Variants in SPRR2B observed in about 807,000 individuals in gnomAD.
SPRR2B encodes the protein small proline rich protein 2B.
Under a neutral mutation model 1.0 loss-of-function variants are expected in SPRR2B, and 1 was observed. The ratio of observed to expected loss-of-function variants is 1.01; its 90% confidence interval spans 0.36 to 4.77. The LOEUF (loss-of-function observed/expected upper bound fraction) is 4.77. SPRR2B is among the 30% of genes most tolerant of loss of function. The pLI is 0.16. For synonymous variants in SPRR2B, 27 were observed against 33.4 expected, an observed-to-expected ratio of 0.81 and a Z score of 0.66; for missense variants, 53 against 88.7, an observed-to-expected ratio of 0.60 and a Z score of 1.62.
upstream of SPRR2B, among the ~76,000 whole-genome samples, chr1:153,073,973 T>A (rs190375778): frequency 3.3e-3 from 502 of 152,336 alleles, 2 homozygotes; most frequent in Non-Finnish European, 3.8e-3. Context: ...TGTGCGTGTG[T>A]GTGTTCATAA....
At chr1:153,077,427 T>G in the SPRR2B span, among the ~76,000 whole-genome samples, 1 of 152,176 alleles carries the variant, frequency 6.6e-6, no homozygotes, top group African/African-American at 2.4e-5. Context: ...AAATGTACAC[T>G]GGTACATAAA....
the SPRR2B span, among the ~76,000 whole-genome samples, chr1:153,083,837 G>A: frequency 2.6e-5 from 4 of 152,242 alleles, no homozygotes; most frequent in African/African-American, 9.6e-5. Flanking sequence ...TGGAACCCAA[G>A]GGGTTTGGTA....
chr1:153,079,693 C>A, the SPRR2B span, among the ~76,000 whole-genome samples: 4 of 152,202 alleles, frequency 2.6e-5, no homozygotes, highest in Admixed American at 1.3e-4. Context: ...AGCATTATTT[C>A]TGAGGGCTCT....
the SPRR2B span, among the ~76,000 whole-genome samples, chr1:153,083,614 G>A: frequency 1.3e-5 from 2 of 152,146 alleles, no homozygotes; most frequent in South Asian, 4.1e-4. Flanking sequence ...AGAGAAAGCT[G>A]GGAGCCCTGC....
chr1:153,070,528 G>A lies in SPRR2B; in HGVS notation c.*93C>T. 1 of 1,546,146 alleles carries A rather than the reference G, an allele frequency of 6.5e-7. No individual in the cohort carries two copies. Among genetic ancestry groups the A allele is most frequent in the Non-Finnish European group, 8.7e-7 (1 of 1,144,790 alleles). On this transcript the variant is annotated 3_prime_UTR_variant, in exon 2 of 2. Transcript: ENST00000368755. ...GGAAAGAAGCTCCCTATGAATCCAT[G>A]ATAAGCTTTGATGAGAAGATGAAGG...
chr1:153,081,266 T>C, the SPRR2B span, among the ~76,000 whole-genome samples: 1 of 152,126 alleles, frequency 6.6e-6, no homozygotes, highest in African/African-American at 2.4e-5. Flanking sequence ...CAAATTATAA[T>C]CAAATTATCA....
upstream of SPRR2B, among the ~76,000 whole-genome samples, chr1:153,073,795 G>A (rs1055638938): frequency 2.6e-5 from 4 of 152,010 alleles, no homozygotes; most frequent in African/African-American, 9.7e-5. Flanking sequence ...TCTTCTTTAA[G>A]AGTCTGATAG....
chr1:153,073,333 C>A (rs1654710389), upstream of SPRR2B, among the ~76,000 whole-genome samples: 1 of 152,206 alleles, frequency 6.6e-6, no homozygotes, highest in Admixed American at 6.5e-5. Context: ...ATCACATCTA[C>A]AACACAAATC....
At chr1:153,079,902 A>T in the SPRR2B span, among the ~76,000 whole-genome samples, 2 of 152,182 alleles carry the variant, frequency 1.3e-5, no homozygotes, top group African/African-American at 4.8e-5. Flanking sequence ...TTCTGTGAAG[A>T]AAGTCGTTGG....
chr1:153,084,494 A>G, the SPRR2B span, among the ~76,000 whole-genome samples: 2 of 152,078 alleles, frequency 1.3e-5, no homozygotes, highest in African/African-American at 4.8e-5. Context: ...GCACACAGAA[A>G]AAGCACACAC....
At chr1:153,079,647 T>C in the SPRR2B span, among the ~76,000 whole-genome samples, 1 of 152,204 alleles carries the variant, frequency 6.6e-6, no homozygotes, top group Non-Finnish European at 1.5e-5. Context: ...CTTGTTTTTG[T>C]CAGGTTTGTC....
At chr1:153,081,086 A>G in the SPRR2B span, among the ~76,000 whole-genome samples, 1 of 152,362 alleles carries the variant, frequency 6.6e-6, no homozygotes, top group South Asian at 2.1e-4. Flanking sequence ...AAACTTACAC[A>G]TTCAAAAAGC....
chr1:153,070,355 C>G lies in SPRR2B; in HGVS notation c.*266G>C, dbSNP rs1405731293. The G allele has an allele frequency of 1.5e-5, 9 of 610,694 alleles. No homozygotes were observed. The highest frequency in any genetic ancestry group is 2.2e-5 in the Non-Finnish European group (8 of 361,746). 37.8% of individuals were successfully genotyped at this position (610,694 alleles called of 1,614,324 possible). On this transcript the variant is annotated 3_prime_UTR_variant, in exon 2 of 2. Coordinates refer to ENST00000368755, the MANE Select transcript of SPRR2B (RefSeq NM_001388198.1). ...AATTCTCTGATGGTTCCCAGGCACA[C>G]AGCTGCAGCTCTTTCTGCTGAAGCT... is the stretch of plus-strand genomic sequence containing the variant.
At chr1:153,074,413 AG>A (rs1284101206), upstream of SPRR2B, among the ~76,000 whole-genome samples, 2 of 152,250 alleles carry the variant, frequency 1.3e-5, no homozygotes, top group African/African-American at 4.8e-5. Flanking sequence ...GCTCAGAGAA[AG>A]GGTAACTGCA....
the SPRR2B span, among the ~76,000 whole-genome samples, chr1:153,083,058 G>C: frequency 4.9e-3 from 752 of 152,270 alleles, 3 homozygotes; most frequent in African/African-American, 0.018. Context: ...AATTTGAAGA[G>C]AAAGCTATAA....
the SPRR2B span, among the ~76,000 whole-genome samples, chr1:153,078,821 C>CAA: frequency 6.6e-6 from 1 of 152,208 alleles, no homozygotes; most frequent in Admixed American, 6.5e-5. Context: ...CTGCAATAAA[C>CAA]ATATGTGTGC....
chr1:153,079,548 G>A, the SPRR2B span, among the ~76,000 whole-genome samples: 1 of 152,118 alleles, frequency 6.6e-6, no homozygotes. Context: ...TGTATAAGGT[G>A]TAAGGAAGGG....
chr1:153,073,091 C>T (rs1000379882), upstream of SPRR2B, among the ~76,000 whole-genome samples: 15 of 152,210 alleles, frequency 9.9e-5, no homozygotes, highest in Non-Finnish European at 2.1e-4. Context: ...CATCACACCT[C>T]TCAGTTAAGC....
intron 1 of SPRR2B, among the ~76,000 whole-genome samples, 128 bp downstream of exon 1, chr1:153,071,441 C>T (rs915355092): frequency 6.6e-6 from 1 of 152,268 alleles, no homozygotes; most frequent in Admixed American, 6.5e-5. Flanking sequence ...ATAGTCTAAT[C>T]CTGTATTTCC....
Sources: gnomAD v4.1 joint callset for allele counts (sites outside exome capture counted in the v4.1 genomes callset) on GRCh38, gnomAD v4.1.1 for gene constraint, MANE v1.5 for transcripts, NCBI Gene and HGNC (gene_info 2026-07-23, HGNC 2026-07-21) for gene names.